The following COL15A1 variants were observed in gnomAD, a reference collection of about 807,000 sequenced individuals.
COL15A1 encodes the protein collagen alpha-1(XV) chain.
COL15A1 carries 111 observed loss-of-function variants against 165.9 expected under a neutral mutation model. The observed-to-expected ratio is 0.67, with a 90% confidence interval of 0.57 to 0.78. COL15A1 has a LOEUF of 0.78. COL15A1 is among the 30% of genes least tolerant of loss of function. The pLI is 0.00. For missense variants in COL15A1, 1,745 were observed against 1,789.7 expected (o/e 0.98, Z 0.45); for synonymous variants, 659 against 674.8 (o/e 0.98, Z 0.36).
Position 99,070,033 on chromosome 9 carries a change from C to T in COL15A1, c.*147C>T. ...ACAACAGCAACCAAAGAAAACATAC[C>T]TCAATACACTCAAAACTGAAGACAT... is the stretch of plus-strand genomic sequence containing the variant. On this transcript the variant is annotated 3_prime_UTR_variant, in exon 42 of 42. Coordinates refer to ENST00000375001, the MANE Select transcript of COL15A1 (RefSeq NM_001855.5). 1 of 636,020 alleles carries T rather than the reference C, an allele frequency of 1.6e-6. No homozygotes were observed. The highest frequency in any genetic ancestry group is 2.6e-6 in the Non-Finnish European group (1 of 378,450). The allele number at this position is 636,020 out of a possible 1,614,324, so 39.4% of individuals were successfully genotyped here. A position where few individuals can be genotyped will look rare whatever the true frequency, so the allele number is the denominator to read the frequency against.
chr9:99,052,465 CT>C, intron 31 of COL15A1, 32 bp downstream of exon 31: 2 of 1,532,768 alleles, frequency 1.3e-6, no homozygotes, highest in Non-Finnish European at 1.8e-6. Flanking sequence ...ATTTGTTTCT[CT>C]GGGACATCTC....
Position 99,036,244 on chromosome 9 carries a change from C to A in COL15A1, c.2325+39C>A, listed in dbSNP as rs113922650. On this transcript the variant is annotated intron_variant, in intron 20 of 41. Coordinates refer to ENST00000375001, the MANE Select transcript of COL15A1 (RefSeq NM_001855.5). ...GCCAAGGTGGGGGTGGGAGGGCTTT[C>A]CAGCCTGGTTCTGGGAGCATTATCG... 7 of 1,613,716 alleles carry A rather than the reference C, an allele frequency of 4.3e-6. No homozygotes were observed. In the African/African-American group the frequency reaches 6.7e-5, roughly 15 times the overall value.
At chr9:99,029,632 C>G (rs1196798128) in intron 16 of COL15A1, among the ~76,000 whole-genome samples, 1 of 152,098 alleles carries the variant, frequency 6.6e-6, no homozygotes, top group African/African-American at 2.4e-5. Context: ...CTCCATAAAA[C>G]CAAATAGATG....
In COL15A1 at chr9:99,020,556, A is replaced by C. The variant is rs777272657; in HGVS notation, c.1701+114A>C. The C allele has an allele frequency of 1.3e-4, 96 of 732,252 alleles. 1 individual carries two copies. The South Asian group carries it at 1.5e-3, about 11-fold the overall frequency. 45.4% of individuals were successfully genotyped at this position (732,252 alleles called of 1,614,324 possible). A position where few individuals can be genotyped will look rare whatever the true frequency, so the allele number is the denominator to read the frequency against. On this transcript the variant is annotated intron_variant, in intron 12 of 41. Coordinates refer to ENST00000375001, the MANE Select transcript of COL15A1 (RefSeq NM_001855.5). ...TCAAGGGGATCGCAGAAGCAGCAAGAGGGCTAAGCCCAAAAGAAATGGACT... is the reference window on the plus strand; with the variant it reads ...TCAAGGGGATCGCAGAAGCAGCAAGCGGGCTAAGCCCAAAAGAAATGGACT...
At chr9:99,025,104 G>A (rs1839101721) in intron 15 of COL15A1, 105 bp downstream of exon 15, 1 of 890,700 alleles carries the variant, frequency 1.1e-6, no homozygotes, top group Non-Finnish European at 1.7e-6. Flanking sequence ...GGTTCGCGAT[G>A]GGGAGAGAGC....
intron 41 of COL15A1, among the ~76,000 whole-genome samples, 198 bp downstream of exon 41, chr9:99,068,868 G>C (rs1269245443): frequency 1.3e-5 from 2 of 152,218 alleles, no homozygotes; most frequent in African/African-American, 4.8e-5. Context: ...GGAATCCTGG[G>C]CAAGACATTT....
Position 99,003,585 on chromosome 9 carries a change from C to A in COL15A1, c.1198C>A (p.Pro400Thr). Residue 400 changes from proline (P) to threonine (T), a missense_variant and splice_region_variant, in exon 8 of 42, where the codon CCA becomes ACA. Physicochemically the swap from Pro to Thr is conservative, Grantham distance 38 (BLOSUM62 -1). Transcript: ENST00000375001. Reference sequence around the variant, plus strand: ...GGAGAACCCAGAGGAAGGGGTCACTCCAGTAAGTAGCTCAGAGCGCAAGCT... The same window carrying A: ...GGAGAACCCAGAGGAAGGGGTCACTACAGTAAGTAGCTCAGAGCGCAAGCT... ...STENPEEGVT[P>T]GPDNEERLAA... 1 of 1,502,872 alleles carries A rather than the reference C, an allele frequency of 6.7e-7. No individual in the cohort carries two copies. The highest frequency in any genetic ancestry group is 2.2e-5 in the Admixed American group (1 of 44,558). 93.1% of individuals were successfully genotyped at this position (1,502,872 alleles called of 1,614,324 possible).
In COL15A1 at chr9:99,034,574, T is replaced by C. The variant is rs1293825378; in HGVS notation, c.2069T>C (p.Val690Ala). The change falls in exon 17 of 42, where the codon GTT becomes GCT. Residue 690 changes from valine to alanine, a missense_variant. Coordinates refer to ENST00000375001, the MANE Select transcript of COL15A1 (RefSeq NM_001855.5). ...GGAGCAAGAGGGCCTAATGGCTCAG[T>C]TGGTGAAAAGGTAAAAAAAAAAAAA... ...EKGARGPNGS[V>A]GEKGDPGNRG... 6.5e-7 allele frequency: 1 copy of C among 1,545,716 alleles called. No homozygotes were observed. The highest frequency in any genetic ancestry group is 8.6e-7 in the Non-Finnish European group (1 of 1,158,006).
At chr9:99,067,191 CTA>C in intron 40 of COL15A1, 124 bp downstream of exon 40, 4 of 821,180 alleles carry the variant, frequency 4.9e-6, no homozygotes, top group Non-Finnish European at 5.6e-6. Context: ...CCCTTACTGG[CTA>C]TGTCACTTTG....
At chr9:98,947,327 T>C (rs1231900023) in intron 2 of COL15A1, among the ~76,000 whole-genome samples, 1 of 151,978 alleles carries the variant, frequency 6.6e-6, no homozygotes, top group Admixed American at 6.6e-5. Context: ...AGAGTCCCTA[T>C]ATATGAGATT....
intron 2 of COL15A1, among the ~76,000 whole-genome samples, chr9:98,965,581 G>A (rs1263650111): frequency 2.0e-5 from 3 of 152,142 alleles, no homozygotes; most frequent in Admixed American, 1.3e-4. Flanking sequence ...AGGCTATCTC[G>A]GGGTCCCATT....
At chr9:99,016,147 A>G (rs1000212669) in intron 11 of COL15A1, 28 bp downstream of exon 11, 2 of 1,576,898 alleles carry the variant, frequency 1.3e-6, no homozygotes, top group East Asian at 4.5e-5. Context: ...GTAAGATTTG[A>G]CTTGGCAGAC....
chr9:99,001,200 G>C (rs888077727), intron 7 of COL15A1, among the ~76,000 whole-genome samples: 7 of 152,080 alleles, frequency 4.6e-5, no homozygotes, highest in Non-Finnish European at 1.5e-5. Flanking sequence ...TGTGATGAGC[G>C]AGCGTCCAGG....
At chr9:99,045,550 T>A (rs1350056964) in intron 26 of COL15A1, among the ~76,000 whole-genome samples, 4 of 152,236 alleles carry the variant, frequency 2.6e-5, no homozygotes, top group Non-Finnish European at 5.9e-5. Flanking sequence ...TACTTCCCTG[T>A]GTAGAACATT....
intron 2 of COL15A1, among the ~76,000 whole-genome samples, chr9:98,985,190 T>A (rs1838287631): frequency 6.6e-6 from 1 of 152,180 alleles, no homozygotes; most frequent in African/African-American, 2.4e-5. Flanking sequence ...CAAACGCAGG[T>A]CATGAACTAT....
chr9:98,962,288 T>C (rs1327954740), intron 2 of COL15A1, among the ~76,000 whole-genome samples: 2 of 152,176 alleles, frequency 1.3e-5, no homozygotes, highest in Non-Finnish European at 2.9e-5. Context: ...GCAATTCCTT[T>C]AGACATGGTT....
intron 13 of COL15A1, 80 bp downstream of exon 13, chr9:99,022,230 C>T: frequency 1.9e-6 from 3 of 1,586,492 alleles, no homozygotes; most frequent in Non-Finnish European, 1.7e-6. Flanking sequence ...GCTGAGGACT[C>T]TCCTTTTTGG....
At chr9:99,011,090 C>T (rs1037107798) in intron 9 of COL15A1, among the ~76,000 whole-genome samples, 4 of 151,840 alleles carry the variant, frequency 2.6e-5, no homozygotes, top group South Asian at 2.1e-4. Context: ...TTTTAAAAGG[C>T]GAGAGAAAAC....
intron 2 of COL15A1, among the ~76,000 whole-genome samples, chr9:98,959,248 C>G (rs1308060339): frequency 4.9e-5 from 5 of 102,118 alleles, no homozygotes; most frequent in Non-Finnish European, 4.2e-5. Flanking sequence ...AAAAAAAAAA[C>G]TAAAAACTAA....
Sources: gnomAD v4.1 joint callset for allele counts (sites outside exome capture counted in the v4.1 genomes callset) on GRCh38, gnomAD v4.1.1 for gene constraint, MANE v1.5 for transcripts, NCBI Gene and HGNC (gene_info 2026-07-23, HGNC 2026-07-21) for gene names.